RREB1: variants seen among roughly 807,000 people sequenced by gnomAD.
RREB1 encodes the protein ras responsive element binding protein 1.
Under a neutral mutation model 117.8 loss-of-function variants are expected in RREB1, and 27 were observed. The observed-to-expected ratio is 0.23, with a 90% CI of 0.17 to 0.32. RREB1 has a LOEUF of 0.32. Among genes scored for constraint, RREB1 ranks in the 10% least tolerant of loss-of-function variants. RREB1 has a pLI of 1.00. For synonymous variants in RREB1, 1,298 were observed against 1,026.7 expected (o/e 1.26, Z -5.05); for missense variants, 2,577 against 2,378.2 (o/e 1.08, Z -1.74).
intron 8 of RREB1, chr6:7,216,832 C>T (rs1046691357): frequency 6.6e-6 from 1 of 151,740 alleles, no homozygotes; most frequent in Non-Finnish European, 1.5e-5. Flanking sequence ...ACTGCCCCCA[C>T]CCCTCACCTG....
At position 7,230,998 on chromosome 6, in the gene RREB1, G is replaced by C; in HGVS notation, c.2899G>C (p.Glu967Gln). The C allele has an allele frequency of 6.2e-7, 1 of 1,614,136 alleles. No homozygotes were observed. Among genetic ancestry groups the C allele is most frequent in the Non-Finnish European group, 8.5e-7 (1 of 1,180,010 alleles). ...GCCTGAGGAGGAGGCGGGGAGCAGC[G>C]AGCAGCCCTCTCCCTGCCCAGCACC... ...KKPEEEAGSS[E>Q]QPSPCPAPGP... Residue 967 changes from glutamate to glutamine, a missense_variant, in exon 10 of 13, where the codon GAG becomes CAG. Coordinates refer to ENST00000379938, the MANE Select transcript of RREB1 (RefSeq NM_001003699.4).
At chr6:7,136,751 T>C (rs1333240602) in intron 1 of RREB1, among the ~76,000 whole-genome samples, 1 of 152,202 alleles carries the variant, frequency 6.6e-6, no homozygotes, top group African/African-American at 2.4e-5. Context: ...AAAGCATAAA[T>C]ATCTTTATTC....
Position 7,230,375 on chromosome 6 carries a change from G to A in RREB1, c.2276G>A (p.Gly759Asp). The A allele has an allele frequency of 6.3e-7, 1 of 1,592,506 alleles. No homozygotes were observed. The highest frequency in any genetic ancestry group is 8.5e-7 in the Non-Finnish European group (1 of 1,174,326). The change falls in exon 10 of 13, where the codon GGC becomes GAC. Residue 759 changes from glycine to aspartate, a missense_variant. Physicochemically the swap from Gly to Asp is moderately conservative, Grantham distance 94. Transcript: ENST00000379938. Reference protein sequence around the residue: ...CAPDTVCRLCGEDLKHYRALR... With the variant: ...CAPDTVCRLCDEDLKHYRALR... ...CCGGACACCGTGTGCCGGCTGTGCG[G>A]CGAGGACCTCAAGCACTATCGTGCC... is the stretch of plus-strand genomic sequence containing the variant.
chr6:7,148,240 T>C (rs1261880444), intron 1 of RREB1, among the ~76,000 whole-genome samples: 1 of 152,176 alleles, frequency 6.6e-6, no homozygotes, highest in African/African-American at 2.4e-5. Context: ...TTACTGTAGA[T>C]ACAGCCCTGG....
chr6:7,168,488 T>G (rs1324049576), intron 1 of RREB1, among the ~76,000 whole-genome samples: 1 of 152,154 alleles, frequency 6.6e-6, no homozygotes, highest in Non-Finnish European at 1.5e-5. Flanking sequence ...TTTAATTAAC[T>G]AGTGGTTACC....
At chr6:7,110,978 C>T (rs953217681) in intron 1 of RREB1, among the ~76,000 whole-genome samples, 4 of 152,128 alleles carry the variant, frequency 2.6e-5, no homozygotes, top group Non-Finnish European at 5.9e-5. Context: ...TGAGCTGGTA[C>T]AGGTAGTGCA....
chr6:7,199,795 C>G, intron 6 of RREB1, among the ~76,000 whole-genome samples: 1 of 152,116 alleles, frequency 6.6e-6, no homozygotes, highest in East Asian at 1.9e-4. Flanking sequence ...TCCCGAGTAG[C>G]TGGGACTACA....
chr6:7,169,474 G>C (rs1266648211), intron 1 of RREB1, among the ~76,000 whole-genome samples: 1 of 152,218 alleles, frequency 6.6e-6, no homozygotes, highest in African/African-American at 2.4e-5. Context: ...GAAAAACAAT[G>C]TTTAGGAAAA....
intron 1 of RREB1, among the ~76,000 whole-genome samples, chr6:7,117,990 A>G (rs763756801): frequency 6.6e-6 from 1 of 152,222 alleles, no homozygotes; most frequent in Admixed American, 6.5e-5. Flanking sequence ...TACTATAAAT[A>G]TTTTTTAACA....
chr6:7,152,802 T>A (rs1276076587), intron 1 of RREB1, among the ~76,000 whole-genome samples: 1 of 152,060 alleles, frequency 6.6e-6, no homozygotes, highest in Non-Finnish European at 1.5e-5. Context: ...CACAAAGGAG[T>A]TGTTCCAGTG....
At chr6:7,143,143 T>TGCTG (rs1561741844) in intron 1 of RREB1, among the ~76,000 whole-genome samples, 2 of 152,242 alleles carry the variant, frequency 1.3e-5, no homozygotes, top group African/African-American at 2.4e-5. Flanking sequence ...TCCCATCTGA[T>TGCTG]GCTGGCTGGC....
At chr6:7,236,107 A>G (rs1768295783) in intron 10 of RREB1, among the ~76,000 whole-genome samples, 1 of 152,160 alleles carries the variant, frequency 6.6e-6, no homozygotes, top group East Asian at 1.9e-4. Flanking sequence ...ATAGGAGACA[A>G]GAGTGCACTG....
intron 1 of RREB1, among the ~76,000 whole-genome samples, chr6:7,120,696 A>G (rs1761638105): frequency 1.3e-5 from 2 of 150,766 alleles, no homozygotes; most frequent in African/African-American, 4.9e-5. Flanking sequence ...TTTTGAGACA[A>G]GGCCTCGCTC....
At chr6:7,242,497 G>C (rs1451239635) in intron 11 of RREB1, among the ~76,000 whole-genome samples, 1 of 152,210 alleles carries the variant, frequency 6.6e-6, no homozygotes, top group Non-Finnish European at 1.5e-5. Flanking sequence ...GTTTGGTTTA[G>C]TTGTGGTCAC....
chr6:7,135,269 C>A (rs962459872), intron 1 of RREB1, among the ~76,000 whole-genome samples: 1 of 152,168 alleles, frequency 6.6e-6, no homozygotes, highest in African/African-American at 2.4e-5. Flanking sequence ...GCAGCATTTT[C>A]TTTCTTTTTA....
At chr6:7,154,492 G>A (rs1163882608) in intron 1 of RREB1, among the ~76,000 whole-genome samples, 1 of 152,228 alleles carries the variant, frequency 6.6e-6, no homozygotes, top group East Asian at 1.9e-4. Flanking sequence ...GTGCTCAGGT[G>A]TGAGCATGTA....
At chr6:7,227,099 G>C (rs1767626804) in intron 9 of RREB1, among the ~76,000 whole-genome samples, 1 of 152,186 alleles carries the variant, frequency 6.6e-6, no homozygotes, top group African/African-American at 2.4e-5. Flanking sequence ...AAATTAGCCA[G>C]GCGTGGTGGT....
In RREB1 at chr6:7,231,438, C is replaced by T. The variant is rs750436298; in HGVS notation, c.3339C>T (p.Thr1113=). ...GAGGTTCTGTCCCCAAAGCCGCCACCACCGCCACCCCCGCTGCCACCACCA... is the reference window on the plus strand; with the variant it reads ...GAGGTTCTGTCCCCAAAGCCGCCACTACCGCCACCCCCGCTGCCACCACCA... ...SLGGSVPKAA[T]TATPAATTSP... The change falls in exon 10 of 13, where the codon ACC becomes ACT. Residue 1113 remains threonine, a synonymous_variant. Coordinates refer to ENST00000379938, the MANE Select transcript of RREB1 (RefSeq NM_001003699.4). The T allele has an allele frequency of 1.2e-6, 2 of 1,612,848 alleles. No individual in the cohort carries two copies. Among genetic ancestry groups the T allele is most frequent in the Admixed American group, 3.3e-5 (2 of 60,026 alleles).
Position 7,249,097 on chromosome 6 carries a change from G to GAGAGAGAC in RREB1, c.*131_*138dup, listed in dbSNP as rs1769295742. On this transcript the variant is annotated 3_prime_UTR_variant, in exon 13 of 13. Coordinates refer to ENST00000379938, the MANE Select transcript of RREB1 (RefSeq NM_001003699.4). ...AGAGAGAGAGAGAGAGAGAGAGAGA[G>GAGAGAGAC]AGAGAGACAAGCAGGAGCGTGGCTG... 3.0e-6 allele frequency: 2 copies of GAGAGAGAC among 670,728 alleles called. No homozygotes were observed. Among genetic ancestry groups the GAGAGAGAC allele is most frequent in the African/African-American group, 1.9e-5 (1 of 51,460 alleles). The allele number at this position is 670,728 out of a possible 1,614,324, so 41.5% of individuals were successfully genotyped here.
Sources: gnomAD v4.1 joint callset for allele counts (sites outside exome capture counted in the v4.1 genomes callset) on GRCh38, gnomAD v4.1.1 for gene constraint, MANE v1.5 for transcripts, NCBI Gene and HGNC (gene_info 2026-07-23, HGNC 2026-07-21) for gene names.